The following FAAH2 variants were observed in gnomAD, a reference collection of about 807,000 sequenced individuals.
FAAH2 encodes fatty acid amide hydrolase 2.
A neutral mutation model predicts 36.9 loss-of-function variants in FAAH2; 60 were observed. That is an observed-to-expected ratio of 1.63 (90% confidence interval 1.32 to 2.02). FAAH2 has a LOEUF of 2.02. Among genes scored for constraint, FAAH2 ranks in the 30% most tolerant of loss-of-function variants. FAAH2 has a pLI of 0.00. For synonymous variants in FAAH2, 214 were observed against 143.8 expected, an observed-to-expected ratio of 1.49 and a Z score of -3.49; for missense variants, 689 against 397.5, an observed-to-expected ratio of 1.73 and a Z score of -6.23.
the FAAH2 span, among the ~76,000 whole-genome samples, chrX:57,231,403 A>G: frequency 9.0e-5 from 10 of 111,002 alleles, no homozygotes; most frequent in South Asian, 3.8e-3. Flanking sequence ...CATGTTCTGG[A>G]CTCAACACTA....
chrX:57,341,404 G>T lies in FAAH2; in HGVS notation c.742+14G>T. On this transcript the variant is annotated intron_variant, in intron 5 of 10. Coordinates refer to ENST00000374900, the MANE Select transcript of FAAH2 (RefSeq NM_174912.4). Reference sequence around the variant, plus strand: ...AGCCTTCTCCAGGTAATGTTAATATGATCAGAAGGGTGGTTCTACTTTTAT... The same window carrying T: ...AGCCTTCTCCAGGTAATGTTAATATTATCAGAAGGGTGGTTCTACTTTTAT... 1 of 1,199,051 alleles carries T rather than the reference G, an allele frequency of 8.3e-7. No individual in the cohort carries two copies. Among genetic ancestry groups the T allele is most frequent in the Non-Finnish European group, 1.1e-6 (1 of 890,314 alleles).
chrX:57,166,148 G>T, the FAAH2 span, among the ~76,000 whole-genome samples: 1 of 109,369 alleles, frequency 9.1e-6, no homozygotes, highest in South Asian at 4.2e-4. Flanking sequence ...TACAGCCTCT[G>T]AGCGGCCTGA....
chrX:57,368,428 C>G (rs1471603502), intron 5 of FAAH2, among the ~76,000 whole-genome samples: 3 of 111,044 alleles, frequency 2.7e-5, no homozygotes, highest in East Asian at 2.9e-4. Flanking sequence ...CCAAGGGGAA[C>G]AGCAGACAAG....
chrX:57,150,408 G>T, the FAAH2 span, among the ~76,000 whole-genome samples: 1 of 111,807 alleles, frequency 8.9e-6, no homozygotes, highest in African/African-American at 3.3e-5. Context: ...TCTCTTTGTA[G>T]GTCACTAAGG....
chrX:57,395,002 G>A, intron 7 of FAAH2: 1 of 565,596 alleles, frequency 1.8e-6, no homozygotes, highest in South Asian at 2.2e-5. Flanking sequence ...AGTCATTTAG[G>A]TCACCTCTAG....
chrX:57,334,189 G>C (rs2053481992), intron 4 of FAAH2, among the ~76,000 whole-genome samples: 1 of 108,093 alleles, frequency 9.3e-6, no homozygotes, highest in South Asian at 4.1e-4. Flanking sequence ...AGAATTGCTT[G>C]AACTCGAGAG....
chrX:57,427,768 C>G (rs753885844), intron 7 of FAAH2, among the ~76,000 whole-genome samples: 1 of 111,187 alleles, frequency 9.0e-6, no homozygotes, highest in South Asian at 3.8e-4. Context: ...GTGATAAAAA[C>G]CGTATATAAG....
At chrX:57,170,956 C>G in the FAAH2 span, among the ~76,000 whole-genome samples, 2 of 110,757 alleles carry the variant, frequency 1.8e-5, no homozygotes, top group Admixed American at 1.9e-4. Context: ...GTGATCTGCC[C>G]ATGTCGGCTT....
chrX:57,157,163 T>A, the FAAH2 span, among the ~76,000 whole-genome samples: 1 of 111,725 alleles, frequency 9.0e-6, no homozygotes, highest in Non-Finnish European at 1.9e-5. Flanking sequence ...TTTGCCCAAG[T>A]GGAAAGAGTC....
intron 10 of FAAH2, chrX:57,452,147 A>T (rs1226637459): frequency 2.7e-6 from 2 of 752,393 alleles, no homozygotes; most frequent in East Asian, 3.0e-4. Context: ...GTACTCAAAG[A>T]TCTCTTGGAC....
chrX:57,307,010 T>TATATATATATATATATAAATATATATAA, intron 2 of FAAH2, among the ~76,000 whole-genome samples: 1 of 66,416 alleles, frequency 1.5e-5, no homozygotes, highest in Admixed American at 2.2e-4. Context: ...TATATATATA[T>TATATATATATATATATAAATATATATAA]ATATATAGCC....
At chrX:57,437,030 G>A (rs562833639) in intron 8 of FAAH2, among the ~76,000 whole-genome samples, 7 of 110,458 alleles carry the variant, frequency 6.3e-5, no homozygotes, top group South Asian at 3.8e-4. Context: ...AAGATAATAC[G>A]CCATAAACAA....
chrX:57,378,862 G>A (rs1374400526), intron 6 of FAAH2, 76 bp downstream of exon 6: 2 of 1,105,751 alleles, frequency 1.8e-6, no homozygotes, highest in African/African-American at 3.7e-5. Flanking sequence ...GTGTCATAGA[G>A]GTAGACTTTC....
At chrX:57,342,276 C>A (rs966085908) in intron 5 of FAAH2, among the ~76,000 whole-genome samples, 1 of 111,099 alleles carries the variant, frequency 9.0e-6, no homozygotes, top group Non-Finnish European at 1.9e-5. Flanking sequence ...GAACAGAAAA[C>A]CAAATGTGAC....
chrX:57,353,729 G>A (rs778412243), intron 5 of FAAH2, among the ~76,000 whole-genome samples: 1 of 110,819 alleles, frequency 9.0e-6, no homozygotes, highest in South Asian at 3.7e-4. Context: ...CTTATATTCA[G>A]AATATATAAC....
At chrX:57,169,194 G>A in the FAAH2 span, among the ~76,000 whole-genome samples, 1 of 108,617 alleles carries the variant, frequency 9.2e-6, no homozygotes, top group Non-Finnish European at 1.9e-5. Context: ...TTATCCTTAT[G>A]ATCTAATTTA....
chrX:57,329,688 G>A (rs1475078361), intron 3 of FAAH2, among the ~76,000 whole-genome samples: 5 of 109,985 alleles, frequency 4.5e-5, no homozygotes, highest in East Asian at 2.9e-4. Context: ...CATCGTGGGC[G>A]AGTGCATGTA....
chrX:57,137,461 C>T, the FAAH2 span: 10 of 510,163 alleles, frequency 2.0e-5, no homozygotes, highest in East Asian at 1.8e-3. Context: ...GTGGCGGCCA[C>T]CCCTCAGCCA....
intron 7 of FAAH2, chrX:57,394,021 G>T (rs980686859): frequency 5.3e-6 from 4 of 758,633 alleles, no homozygotes; most frequent in Non-Finnish European, 6.2e-6. Context: ...AATGAGTAAA[G>T]GTAGCCTTGT....
Sources: gnomAD v4.1 joint callset for allele counts (sites outside exome capture counted in the v4.1 genomes callset) on GRCh38, gnomAD v4.1.1 for gene constraint, MANE v1.5 for transcripts, NCBI Gene and HGNC (gene_info 2026-07-23, HGNC 2026-07-21) for gene names.